The following PLSCR2 variants were observed in gnomAD, a reference collection of about 807,000 sequenced individuals.
PLSCR2 encodes phospholipid scramblase 2.
Under a neutral mutation model 25.3 loss-of-function variants are expected in PLSCR2, and 18 were observed. The observed-to-expected ratio is 0.71, with a 90% CI of 0.49 to 1.06. The LOEUF is 1.06. Among genes scored for constraint, PLSCR2 ranks in the 50% least tolerant of loss-of-function variants. PLSCR2 has a pLI of 0.00. For synonymous variants in PLSCR2, 88 were observed against 87.3 expected (o/e 1.01, Z -0.04); for missense variants, 243 against 269.5 (o/e 0.90, Z 0.69).
At chr3:146,399,237 G>A (rs114336234) in intron 2 of PLSCR2, among the ~76,000 whole-genome samples, 1,951 of 151,810 alleles carry the variant, frequency 0.013, 45 homozygotes, top group African/African-American at 0.045. Context: ...TCTTTGCCAT[G>A]GCAAATATAA....
At chr3:146,484,605 T>A (rs937984555) in intron 1 of PLSCR2, among the ~76,000 whole-genome samples, 2 of 152,236 alleles carry the variant, frequency 1.3e-5, no homozygotes, top group Middle Eastern at 3.4e-3. Context: ...AGAGAAACCC[T>A]ATAAGCCAGA....
At chr3:146,487,977 TAC>T (rs374851020) in intron 1 of PLSCR2, among the ~76,000 whole-genome samples, 111 of 152,058 alleles carry the variant, frequency 7.3e-4, no homozygotes, top group African/African-American at 2.6e-3. Flanking sequence ...AAAACAGACA[TAC>T]AGATGAATGG....
chr3:146,490,085 G>C (rs1016615518), intron 1 of PLSCR2, among the ~76,000 whole-genome samples: 6 of 152,136 alleles, frequency 3.9e-5, no homozygotes, highest in Admixed American at 2.6e-4. Flanking sequence ...ATAATTTTGA[G>C]AATGATCCAT....
chr3:146,451,301 G>C (rs556697202), intron 5 of PLSCR2, among the ~76,000 whole-genome samples: 1 of 151,934 alleles, frequency 6.6e-6, no homozygotes, highest in African/African-American at 2.4e-5. Flanking sequence ...TTTTAGTAGA[G>C]ACGGGGTTTC....
At chr3:146,393,283 C>T (rs1053892171) in intron 3 of PLSCR2, among the ~76,000 whole-genome samples, 7 of 151,702 alleles carry the variant, frequency 4.6e-5, no homozygotes, top group African/African-American at 1.7e-4. Flanking sequence ...ACGCCTCGGC[C>T]TCCCAAAGTG....
intron 2 of PLSCR2, among the ~76,000 whole-genome samples, chr3:146,405,800 C>G (rs938139900): frequency 4.6e-5 from 7 of 152,008 alleles, no homozygotes; most frequent in South Asian, 2.1e-4. Flanking sequence ...GCTTTGATAC[C>G]AGGGGATGTT....
chr3:146,486,085 T>C (rs1387699075), intron 1 of PLSCR2, among the ~76,000 whole-genome samples: 1 of 151,974 alleles, frequency 6.6e-6, no homozygotes, highest in Non-Finnish European at 1.5e-5. Flanking sequence ...AATAATGAAA[T>C]TAAGGCAGAA....
At chr3:146,415,795 A>G (rs1309347927) in intron 2 of PLSCR2, among the ~76,000 whole-genome samples, 1 of 152,208 alleles carries the variant, frequency 6.6e-6, no homozygotes, top group East Asian at 1.9e-4. Flanking sequence ...ACAGAATAAG[A>G]GACATTTTCC....
chr3:146,447,508 C>T (rs958405169), intron 6 of PLSCR2, among the ~76,000 whole-genome samples: 2 of 152,130 alleles, frequency 1.3e-5, no homozygotes, highest in Admixed American at 6.6e-5. Flanking sequence ...GCTAGGGCCT[C>T]GAATGGGGGC....
downstream of PLSCR2, among the ~76,000 whole-genome samples, chr3:146,430,652 T>C (rs753643588): frequency 3.3e-5 from 5 of 152,222 alleles, no homozygotes; most frequent in Non-Finnish European, 7.3e-5. Context: ...ATTAACTTGA[T>C]GCCAGGAGTC....
intron 2 of PLSCR2, among the ~76,000 whole-genome samples, chr3:146,422,634 A>G (rs1397578712): frequency 1.3e-5 from 2 of 152,108 alleles, no homozygotes; most frequent in Non-Finnish European, 2.9e-5. Context: ...TATTAGCTAC[A>G]CTGGTTCTGA....
chr3:146,424,642 A>T (rs1576596608), intron 2 of PLSCR2, among the ~76,000 whole-genome samples: 1 of 152,088 alleles, frequency 6.6e-6, no homozygotes, highest in East Asian at 1.9e-4. Flanking sequence ...TGAGGTCCAA[A>T]TATATTAAAT....
rs149761531 is a variant in PLSCR2 at position 146,414,247 on chromosome 3, G to A, written c.101-18326C>T. On this transcript the variant is annotated intron_variant and NMD_transcript_variant, in intron 2 of 3. Transcript: ENST00000463633. ...AAAGGTCCAACCTGTCAACACCATC[G>A]CACTGATGATTAAGTTTCCAGCACA... Among the ~76,000 whole-genome samples, 8 of 152,244 alleles carry A rather than the reference G, an allele frequency of 5.3e-5. No homozygotes were observed. In the East Asian group the frequency reaches 5.8e-4, roughly 11 times the overall value.
At chr3:146,413,465 A>G (rs2038918068) in intron 2 of PLSCR2, among the ~76,000 whole-genome samples, 1 of 152,184 alleles carries the variant, frequency 6.6e-6, no homozygotes, top group African/African-American at 2.4e-5. Flanking sequence ...AGTGGTTAAA[A>G]CTAATCATGC....
chr3:146,487,206 A>G (rs1459360844), intron 1 of PLSCR2, among the ~76,000 whole-genome samples: 11 of 152,116 alleles, frequency 7.2e-5, no homozygotes, highest in Admixed American at 7.2e-4. Context: ...CACAGCCAAT[A>G]TCATACTGAA....
At chr3:146,485,719 T>A (rs564611674) in intron 1 of PLSCR2, among the ~76,000 whole-genome samples, 1 of 152,280 alleles carries the variant, frequency 6.6e-6, no homozygotes, top group South Asian at 2.1e-4. Context: ...AATGTATTCA[T>A]CTGTTTTCAT....
chr3:146,476,122 A>C (rs1316779913), intron 1 of PLSCR2, among the ~76,000 whole-genome samples: 1 of 152,034 alleles, frequency 6.6e-6, no homozygotes, highest in African/African-American at 2.4e-5. Flanking sequence ...GGCTGACAAG[A>C]AGCAGCTGCA....
chr3:146,469,679 C>G (rs1378468170), intron 1 of PLSCR2, 118 bp from the exon 1 acceptor site: 1 of 519,590 alleles, frequency 1.9e-6, no homozygotes, highest in African/African-American at 2.1e-5. Context: ...TTTCTGGACC[C>G]CAAGGGTACA....
At chr3:146,460,369 G>T in exon 1 of PLSCR2, 1 of 231,356 alleles carries the variant, frequency 4.3e-6, no homozygotes, top group Non-Finnish European at 7.5e-6. Context: ...GAAAGTGAAA[G>T]TAAACCCACC....
Sources: gnomAD v4.1 joint callset for allele counts (sites outside exome capture counted in the v4.1 genomes callset) on GRCh38, gnomAD v4.1.1 for gene constraint, MANE v1.5 for transcripts, NCBI Gene and HGNC (gene_info 2026-07-23, HGNC 2026-07-21) for gene names.